The following NKAIN3 variants were observed in gnomAD, a reference collection of about 807,000 sequenced individuals.
NKAIN3 encodes the protein sodium/potassium transporting ATPase interacting 3.
NKAIN3 carries 25 observed loss-of-function variants against 30.2 expected under a neutral mutation model. The observed-to-expected ratio is 0.83, with a 90% CI of 0.60 to 1.16. NKAIN3 has a LOEUF of 1.16. Among genes scored for constraint, NKAIN3 ranks in the 50% most tolerant of loss-of-function variants. The probability of loss-of-function intolerance (pLI) is 0.00; values close to 1 mark genes in which losing one functional copy is unlikely to be tolerated. For synonymous variants in NKAIN3, 91 were observed against 89.6 expected, an observed-to-expected ratio of 1.02 and a Z score of -0.09; for missense variants, 225 against 254.1, an observed-to-expected ratio of 0.89 and a Z score of 0.78.
chr8:62,298,404 A>G (rs2129587733), intron 1 of NKAIN3, among the ~76,000 whole-genome samples: 1 of 152,144 alleles, frequency 6.6e-6, no homozygotes, highest in Non-Finnish European at 1.5e-5. Context: ...CCTACCAACT[A>G]CTTCCCACCA....
intron 4 of NKAIN3, among the ~76,000 whole-genome samples, chr8:62,756,884 G>C (rs1292250002): frequency 1.3e-5 from 2 of 152,136 alleles, no homozygotes; most frequent in Non-Finnish European, 2.9e-5. Flanking sequence ...CTTGAGCCCT[G>C]ATGCTCATGA....
chr8:62,333,734 G>T (rs1247411918), intron 1 of NKAIN3, among the ~76,000 whole-genome samples: 2 of 152,080 alleles, frequency 1.3e-5, no homozygotes, highest in East Asian at 3.9e-4. Flanking sequence ...ATCATTAAAT[G>T]CTTTACCCAT....
chr8:62,369,266 T>C (rs1585731185), intron 1 of NKAIN3, among the ~76,000 whole-genome samples: 2 of 152,158 alleles, frequency 1.3e-5, no homozygotes, highest in African/African-American at 4.8e-5. Context: ...AATGTCCTTC[T>C]GGTTAAGTAC....
At chr8:62,480,798 A>G (rs540540938) in intron 1 of NKAIN3, among the ~76,000 whole-genome samples, 1 of 152,312 alleles carries the variant, frequency 6.6e-6, no homozygotes, top group South Asian at 2.1e-4. Flanking sequence ...GATGAGCAGT[A>G]GGTCCCACGT....
At chr8:62,296,823 T>A in intron 1 of NKAIN3, among the ~76,000 whole-genome samples, 1 of 152,268 alleles carries the variant, frequency 6.6e-6, no homozygotes, top group African/African-American at 2.4e-5. Flanking sequence ...TTGGCCTCCC[T>A]AATGTAAGAA....
intron 1 of NKAIN3, among the ~76,000 whole-genome samples, chr8:62,281,091 G>T (rs1813166411): frequency 6.6e-6 from 1 of 152,068 alleles, no homozygotes. Context: ...CTTCTTCCTG[G>T]TTTAGTCTTG....
At chr8:62,837,266 C>G (rs1266907874) in intron 4 of NKAIN3, among the ~76,000 whole-genome samples, 1 of 152,100 alleles carries the variant, frequency 6.6e-6, no homozygotes, top group East Asian at 1.9e-4. Context: ...AGGTAACACT[C>G]TCTCCATTTC....
chr8:62,934,514 T>C (rs980407045), intron 5 of NKAIN3, among the ~76,000 whole-genome samples: 3 of 152,110 alleles, frequency 2.0e-5, no homozygotes, highest in African/African-American at 7.3e-5. Flanking sequence ...GACATCTTTA[T>C]TAAGACAGTA....
intron 4 of NKAIN3, among the ~76,000 whole-genome samples, chr8:62,846,765 G>A (rs144118411): frequency 2.8e-4 from 43 of 152,056 alleles, no homozygotes; most frequent in East Asian, 5.8e-4. Context: ...CTCATGCTGC[G>A]AATAAAGACC....
intron 4 of NKAIN3, among the ~76,000 whole-genome samples, chr8:62,870,444 TTATATTGTATATTGTATATACATA>T (rs1820591959): frequency 7.3e-6 from 1 of 136,630 alleles, no homozygotes. Flanking sequence ...TATATACATA[TTATATTGTATATTGTATATACATA>T]TATATTGTAT....
At chr8:62,902,180 T>C (rs886978216) in intron 4 of NKAIN3, among the ~76,000 whole-genome samples, 2 of 152,146 alleles carry the variant, frequency 1.3e-5, no homozygotes, top group African/African-American at 2.4e-5. Context: ...TGGAAATCTG[T>C]ATTTGAGGAT....
intron 3 of NKAIN3, among the ~76,000 whole-genome samples, chr8:62,702,423 G>A (rs930690676): frequency 1.3e-5 from 2 of 152,096 alleles, no homozygotes; most frequent in African/African-American, 4.8e-5. Context: ...TGGAGATTAC[G>A]GACGTTACAG....
chr8:62,843,303 T>TTTAATTAA (rs869033734), intron 4 of NKAIN3, among the ~76,000 whole-genome samples: 1 of 151,352 alleles, frequency 6.6e-6, no homozygotes, highest in African/African-American at 2.4e-5. Context: ...TTTTTCTTTT[T>TTTAATTAA]TTAATTAATT....
intron 4 of NKAIN3, among the ~76,000 whole-genome samples, chr8:62,883,627 C>A (rs1406447744): frequency 1.3e-5 from 2 of 151,572 alleles, no homozygotes; most frequent in Non-Finnish European, 2.9e-5. Flanking sequence ...ATATCCTTGC[C>A]TTGTTCTTGA....
chr8:62,529,714 C>G (rs1808427540), intron 1 of NKAIN3, among the ~76,000 whole-genome samples: 1 of 152,012 alleles, frequency 6.6e-6, no homozygotes, highest in South Asian at 2.1e-4. Context: ...TATAAGCCAC[C>G]CAGTACATGG....
intron 1 of NKAIN3, among the ~76,000 whole-genome samples, chr8:62,544,001 G>A (rs1294105518): frequency 1.3e-5 from 2 of 151,914 alleles, no homozygotes; most frequent in African/African-American, 2.4e-5. Flanking sequence ...TTGTGTAACT[G>A]TATTTATTTA....
intron 3 of NKAIN3, among the ~76,000 whole-genome samples, chr8:62,729,039 A>AAAAAAAAAAAAAAAAAAAAAACAAAC (rs200466973): frequency 1.0e-5 from 1 of 96,926 alleles, no homozygotes; most frequent in African/African-American, 4.0e-5. Flanking sequence ...AAAAAAAAAA[A>AAAAAAAAAAAAAAAAAAAAAACAAAC]CAAAAAAAAA....
intron 5 of NKAIN3, among the ~76,000 whole-genome samples, chr8:62,925,430 C>A (rs1324826146): frequency 1.3e-5 from 2 of 152,140 alleles, no homozygotes; most frequent in African/African-American, 4.8e-5. Flanking sequence ...TATCTTTTAT[C>A]AATTTTCCAG....
intron 1 of NKAIN3, among the ~76,000 whole-genome samples, chr8:62,479,063 G>A (rs1806614613): frequency 6.6e-6 from 1 of 152,106 alleles, no homozygotes; most frequent in Non-Finnish European, 1.5e-5. Context: ...TGTGTGTCTA[G>A]TGTCGCCTGC....
Sources: gnomAD v4.1 joint callset for allele counts (sites outside exome capture counted in the v4.1 genomes callset) on GRCh38, gnomAD v4.1.1 for gene constraint, MANE v1.5 for transcripts, NCBI Gene and HGNC (gene_info 2026-07-23, HGNC 2026-07-21) for gene names.